SLC11A2: variants seen among roughly 807,000 people sequenced by gnomAD.
SLC11A2 encodes natural resistance-associated macrophage protein 2.
SLC11A2 carries 38 observed loss-of-function variants against 68.0 expected under a neutral mutation model. The observed-to-expected ratio is 0.56, with a 90% confidence interval of 0.43 to 0.73. SLC11A2 has a LOEUF of 0.73. Ranked by LOEUF, SLC11A2 falls within the 30% of genes least tolerant of loss-of-function variation. SLC11A2 has a pLI of 0.00. For missense variants in SLC11A2, 517 were observed against 690.5 expected, an observed-to-expected ratio of 0.75 and a Z score of 2.82; for synonymous variants, 242 against 250.6, an observed-to-expected ratio of 0.97 and a Z score of 0.32.
At chr12:51,022,791 A>G (rs1944135454) in intron 1 of SLC11A2, among the ~76,000 whole-genome samples, 1 of 152,104 alleles carries the variant, frequency 6.6e-6, no homozygotes, top group Admixed American at 6.6e-5. Flanking sequence ...TTCATTTCCT[A>G]GGAGTTTTAA....
At chr12:50,960,399 C>A in the SLC11A2 span, among the ~76,000 whole-genome samples, 2 of 152,184 alleles carry the variant, frequency 1.3e-5, no homozygotes, top group South Asian at 4.1e-4. Flanking sequence ...AACTTTGTAG[C>A]ATGCACAGTT....
downstream of SLC11A2, among the ~76,000 whole-genome samples, chr12:50,978,516 T>G (rs1939883359): frequency 7.4e-6 from 1 of 134,856 alleles, no homozygotes. Flanking sequence ...GGGGGAGGGA[T>G]AGCATTAGGA....
chr12:51,026,950 G>A (rs866681237), upstream of SLC11A2, among the ~76,000 whole-genome samples: 7 of 152,274 alleles, frequency 4.6e-5, no homozygotes, highest in Middle Eastern at 3.4e-3. Flanking sequence ...GCCCAGGCGG[G>A]CGAATCACCT....
In SLC11A2 at chr12:50,999,236, G is replaced by A. The variant is rs377590166; in HGVS notation, c.613C>T (p.Arg205Trp). The A allele has an allele frequency of 8.1e-6, 13 of 1,613,902 alleles. No individual in the cohort carries two copies. Among genetic ancestry groups the A allele is most frequent in the Non-Finnish European group, 1.1e-5 (13 of 1,179,950 alleles). Residue 205 changes from arginine (R) to tryptophan (W), a missense_variant, in exon 8 of 16, where the codon CGG becomes TGG. Coordinates refer to ENST00000262052, the MANE Select transcript of SLC11A2 (RefSeq NM_000617.3). ...AAGCCAAAAAATGCTTCTAGCTTCC[G>A]CAAGCCTAAAGGAAAAAAGGCAGCA... ...VFLFLDKYGLRKLEAFFGFLI... is the reference protein window; with the variant it reads ...VFLFLDKYGLWKLEAFFGFLI...
chr12:50,978,645 A>T (rs1046149339), downstream of SLC11A2, among the ~76,000 whole-genome samples: 19 of 144,036 alleles, frequency 1.3e-4, no homozygotes, highest in African/African-American at 4.9e-4. Flanking sequence ...GTATAATAAT[A>T]AAAAAAAAAA....
downstream of SLC11A2, among the ~76,000 whole-genome samples, chr12:50,976,993 A>G (rs1045828059): frequency 2.0e-5 from 3 of 152,186 alleles, no homozygotes; most frequent in Admixed American, 2.0e-4. Context: ...ATGAAATAAA[A>G]GAGGATACAA....
intron 2 of SLC11A2, 57 bp from the exon 3 acceptor site, chr12:51,008,681 T>A (rs1942956368): frequency 7.3e-7 from 1 of 1,375,686 alleles, no homozygotes; most frequent in African/African-American, 1.4e-5. Context: ...ACACTAACAA[T>A]TCATCCTTAG....
chr12:50,991,723 C>G, intron 13 of SLC11A2, 51 bp from the exon 14 acceptor site: 1 of 1,354,534 alleles, frequency 7.4e-7, no homozygotes, highest in Non-Finnish European at 1.1e-6. Flanking sequence ...TTGTATCACC[C>G]TAGAGAACAG....
upstream of SLC11A2, chr12:51,028,478 C>A (rs1944470492): frequency 2.4e-6 from 1 of 412,492 alleles, no homozygotes; most frequent in African/African-American, 2.0e-5. Flanking sequence ...TTATTGAGTT[C>A]AAAAATTTTA....
At chr12:50,999,437 G>A (rs747386621) in intron 6 of SLC11A2, 22 bp from the exon 7 acceptor site, 17 of 1,570,446 alleles carry the variant, frequency 1.1e-5, no homozygotes, top group Non-Finnish European at 1.5e-5. Context: ...ATGAGATATG[G>A]AAGTCAGAGA....
the SLC11A2 span, chr12:50,954,023 G>A: frequency 6.2e-7 from 1 of 1,612,452 alleles, no homozygotes; most frequent in Admixed American, 1.7e-5. Flanking sequence ...CCAGTGGTCA[G>A]CAGATGAGGA....
the SLC11A2 span, among the ~76,000 whole-genome samples, chr12:50,955,358 A>T: frequency 1.3e-5 from 2 of 152,200 alleles, no homozygotes; most frequent in African/African-American, 4.8e-5. Context: ...TACATTTTCA[A>T]CAAGTATTAT....
the SLC11A2 span, among the ~76,000 whole-genome samples, chr12:50,957,249 C>T: frequency 2.6e-5 from 4 of 151,388 alleles, no homozygotes; most frequent in South Asian, 2.1e-4. Context: ...TTCCCTCTGT[C>T]GCCCAGGCTG....
rs1337516910 is a variant in SLC11A2 at position 50,992,916 on chromosome 12, C to T, written c.1091G>A (p.Gly364Glu). 1 of 1,613,924 alleles carries T rather than the reference C, an allele frequency of 6.2e-7. No homozygotes were observed. Among genetic ancestry groups the T allele is most frequent in the African/African-American group, 1.3e-5 (1 of 74,990 alleles). Residue 364 changes from glycine (G) to glutamate (E), a missense_variant, in exon 12 of 16, where the codon GGA becomes GAA. Transcript: ENST00000262052. ...VDIYKGGVVL[G>E]CYFGPAALYI... is the part of the protein sequence containing the mutation. ...GAGTGCAGCAGGCCCAAAGTAACAT[C>T]CCAGCACAACACCCTGTGAGAGGCC... is the stretch of plus-strand genomic sequence containing the variant.
Position 50,987,778 on chromosome 12 carries a change from C to G in SLC11A2, c.*547G>C. 7.8e-7 allele frequency: 1 copy of G among 1,285,368 alleles called. No individual in the cohort carries two copies. Among genetic ancestry groups the G allele is most frequent in the Non-Finnish European group, 1.0e-6 (1 of 987,922 alleles). The allele number at this position is 1,285,368 out of a possible 1,614,324, so 79.6% of individuals were successfully genotyped here. A position where few individuals can be genotyped will look rare whatever the true frequency, so the allele number is the denominator to read the frequency against. On this transcript the variant is annotated 3_prime_UTR_variant, in exon 16 of 16. Transcript: ENST00000262052. ...GGAAATAAGTTCAAAGAATCCTAAG[C>G]CTGATAGAGCTAGGTGTCTCTTCAT... is the stretch of plus-strand genomic sequence containing the variant.
chr12:50,980,302 T>C, downstream of SLC11A2: 1 of 170,478 alleles, frequency 5.9e-6, no homozygotes, highest in Non-Finnish European at 1.3e-5. Context: ...GGTAGATCAC[T>C]TGAGGTCAAG....
chr12:50,994,918 G>A (rs1346521213), intron 10 of SLC11A2: 2 of 408,518 alleles, frequency 4.9e-6, no homozygotes, highest in African/African-American at 4.1e-5. Context: ...AGGCTCTGAA[G>A]AAGGCTTCAG....
Position 50,987,199 on chromosome 12 carries a change from AG to A in SLC11A2, c.*1125del. Reference sequence around the variant, plus strand: ...TCTGAGGAAACAGCTGTAGAGAGGTAGCCCAGTTCAACTTTGCTGAGACAGT... The same window carrying A: ...TCTGAGGAAACAGCTGTAGAGAGGTACCCAGTTCAACTTTGCTGAGACAGT... On this transcript the variant is annotated 3_prime_UTR_variant, in exon 16 of 16. Coordinates refer to ENST00000262052, the MANE Select transcript of SLC11A2 (RefSeq NM_000617.3). 7.8e-7 allele frequency: 1 copy of A among 1,286,986 alleles called. No individual in the cohort carries two copies. The highest frequency in any genetic ancestry group is 1.0e-6 in the Non-Finnish European group (1 of 988,514). 79.7% of individuals were successfully genotyped at this position (1,286,986 alleles called of 1,614,324 possible). A position where few individuals can be genotyped will look rare whatever the true frequency, so the allele number is the denominator to read the frequency against.
chr12:50,969,722 CA>C, the SLC11A2 span, among the ~76,000 whole-genome samples: 1 of 148,666 alleles, frequency 6.7e-6, no homozygotes, highest in African/African-American at 2.5e-5. Context: ...AAAACAAAAA[CA>C]AAACGTCATA....
Sources: gnomAD v4.1 joint callset for allele counts (sites outside exome capture counted in the v4.1 genomes callset) on GRCh38, gnomAD v4.1.1 for gene constraint, MANE v1.5 for transcripts, NCBI Gene and HGNC (gene_info 2026-07-23, HGNC 2026-07-21) for gene names.